The following GLI3 variants were observed in gnomAD, a reference collection of about 807,000 sequenced individuals.
The protein encoded by GLI3 is GLI family zinc finger 3.
In GLI3, 20 loss-of-function variants were observed where a neutral mutation model predicts 100.8. That is an observed-to-expected ratio of 0.20 (90% CI 0.14 to 0.29). The LOEUF is 0.29. Among genes scored for constraint, GLI3 ranks in the 10% least tolerant of loss-of-function variants. The pLI is 1.00. For synonymous variants in GLI3, 938 were observed against 860.5 expected, an observed-to-expected ratio of 1.09 and a Z score of -1.58; for missense variants, 2,040 against 2,128.5, an observed-to-expected ratio of 0.96 and a Z score of 0.82.
chr7:42,158,935 C>T (rs996212417), intron 2 of GLI3, among the ~76,000 whole-genome samples: 5 of 152,290 alleles, frequency 3.3e-5, no homozygotes, highest in Non-Finnish European at 5.9e-5. Flanking sequence ...GAAACTTCTT[C>T]GAATTTCTCA....
At chr7:41,986,558 G>A (rs987727521) in intron 10 of GLI3, among the ~76,000 whole-genome samples, 1 of 152,110 alleles carries the variant, frequency 6.6e-6, no homozygotes, top group Non-Finnish European at 1.5e-5. Context: ...AACTTTGACA[G>A]CATGCTAAAT....
intron 12 of GLI3, among the ~76,000 whole-genome samples, chr7:41,976,016 G>A (rs996060869): frequency 2.6e-5 from 4 of 152,094 alleles, no homozygotes; most frequent in Admixed American, 6.5e-5. Context: ...TCTAGACATT[G>A]TGTAATCATC....
intron 2 of GLI3, among the ~76,000 whole-genome samples, chr7:42,197,780 T>C (rs570953409): frequency 1.3e-5 from 2 of 152,204 alleles, no homozygotes; most frequent in African/African-American, 2.4e-5. Context: ...ACTGAAACAA[T>C]GGTCTGGGCG....
rs1787096780 is a variant in GLI3 at position 41,964,312 on chromosome 7, G to A, written c.*18C>T. 1.2e-6 allele frequency: 2 copies of A among 1,611,812 alleles called. No homozygotes were observed. Among genetic ancestry groups the A allele is most frequent in the Non-Finnish European group, 1.7e-6 (2 of 1,177,890 alleles). ...CTCCTATTGATTTCCGTTGGTTGCA[G>A]TCTTTTTTTCCTAAAGCCTATTGCA... On this transcript the variant is annotated 3_prime_UTR_variant, in exon 15 of 15. Coordinates refer to ENST00000395925, the MANE Select transcript of GLI3 (RefSeq NM_000168.6).
intron 2 of GLI3, among the ~76,000 whole-genome samples, chr7:42,214,665 A>T (rs2128699112): frequency 6.6e-6 from 1 of 150,660 alleles, no homozygotes; most frequent in Non-Finnish European, 1.5e-5. Context: ...GAAAAAAAAG[A>T]CAAAAAAAAA....
intron 2 of GLI3, among the ~76,000 whole-genome samples, chr7:42,166,065 A>G (rs370987297): frequency 6.6e-6 from 1 of 152,174 alleles, no homozygotes; most frequent in Non-Finnish European, 1.5e-5. Context: ...CATGAAGCCC[A>G]GGTGTCTGCA....
At chr7:42,227,852 A>G (rs1583662861) in intron 1 of GLI3, 1 of 152,386 alleles carries the variant, frequency 6.6e-6, no homozygotes, top group South Asian at 2.1e-4. Flanking sequence ...TGGAAACCCA[A>G]ACAGAAACTT....
chr7:42,066,383 T>A (rs941415911), intron 4 of GLI3, among the ~76,000 whole-genome samples: 1 of 151,954 alleles, frequency 6.6e-6, no homozygotes. Context: ...AACTCCCTCC[T>A]CCAACAAACA....
intron 3 of GLI3, among the ~76,000 whole-genome samples, chr7:42,089,905 G>C (rs1017321403): frequency 6.6e-6 from 1 of 152,138 alleles, no homozygotes. Context: ...TATGTCTTTA[G>C]ATGATTGTGT....
At chr7:41,997,157 T>C (rs1198039587) in intron 10 of GLI3, among the ~76,000 whole-genome samples, 2 of 152,194 alleles carry the variant, frequency 1.3e-5, no homozygotes, top group Non-Finnish European at 2.9e-5. Context: ...TTCCCCCAGA[T>C]GTTTCCATAC....
intron 2 of GLI3, among the ~76,000 whole-genome samples, chr7:42,182,683 C>CGTGTGTGTATATATATATATATAT (rs1562775920): frequency 1.6e-4 from 9 of 54,868 alleles, no homozygotes; most frequent in Non-Finnish European, 2.3e-4. Context: ...TATATATATA[C>CGTGTGTGTATATATATATATATAT]ACATGTGTGT....
chr7:42,226,384 T>C (rs1036912590), intron 1 of GLI3, among the ~76,000 whole-genome samples: 1 of 152,188 alleles, frequency 6.6e-6, no homozygotes, highest in Non-Finnish European at 1.5e-5. Flanking sequence ...TGTGGAGTTG[T>C]TGGTTTTTCC....
chr7:42,197,896 G>A (rs1787961197), intron 2 of GLI3, among the ~76,000 whole-genome samples: 1 of 152,208 alleles, frequency 6.6e-6, no homozygotes, highest in Non-Finnish European at 1.5e-5. Flanking sequence ...AAGGGAACCA[G>A]TCAAAGATGG....
At chr7:42,055,848 A>C (rs1022777970) in intron 4 of GLI3, among the ~76,000 whole-genome samples, 1 of 152,192 alleles carries the variant, frequency 6.6e-6, no homozygotes, top group Non-Finnish European at 1.5e-5. Context: ...CATTTCAATG[A>C]TCTCTTCATT....
At position 41,965,805 on chromosome 7, in the gene GLI3, C is replaced by A. The variant is rs1160154250; in HGVS notation, c.3268G>T (p.Asp1090Tyr). ...MDADANLNDE[D>Y]FLPDDVVQYL... is the part of the protein sequence containing the mutation. ...TGCACCACGTCGTCCGGCAGGAAAT[C>A]CTCATCGTTCAGGTTGGCATCAGCG... The change falls in exon 15 of 15, where the codon GAT (aspartate) becomes TAT (tyrosine). Residue 1090 changes from aspartate (D) to tyrosine (Y), a missense_variant. This residue lies in a region of GLI3 where 1,041 missense variants were observed against 924.0 expected (regional missense o/e 1.13). Transcript: ENST00000395925. 2 of 1,613,478 alleles carry A rather than the reference C, an allele frequency of 1.2e-6. No individual in the cohort carries two copies. Among genetic ancestry groups the A allele is most frequent in the Non-Finnish European group, 1.7e-6 (2 of 1,179,960 alleles).
chr7:41,979,079 G>C (rs1358206270), intron 10 of GLI3, among the ~76,000 whole-genome samples: 1 of 152,180 alleles, frequency 6.6e-6, no homozygotes, highest in Admixed American at 6.5e-5. Flanking sequence ...AATGAGGTGA[G>C]CCACTGTTGA....
chr7:41,988,194 G>A (rs1229344328), intron 10 of GLI3, among the ~76,000 whole-genome samples: 1 of 152,180 alleles, frequency 6.6e-6, no homozygotes, highest in Non-Finnish European at 1.5e-5. Flanking sequence ...AGGCACGGTG[G>A]CTCACGCCTG....
chr7:42,222,991 C>T, intron 2 of GLI3, 139 bp downstream of exon 2: 3 of 1,025,018 alleles, frequency 2.9e-6, no homozygotes, highest in Non-Finnish European at 3.0e-6. Context: ...CCGCCGTCCC[C>T]CCGCCCCTGC....
intron 7 of GLI3, among the ~76,000 whole-genome samples, chr7:42,030,353 C>G (rs1789251588): frequency 1.3e-5 from 2 of 152,202 alleles, no homozygotes; most frequent in South Asian, 4.1e-4. Flanking sequence ...GGAAGGTAAC[C>G]TATTCACAGG....
Sources: allele counts gnomAD v4.1 joint callset (sites outside exome capture counted in the v4.1 genomes callset), GRCh38; gene constraint gnomAD v4.1.1; regional missense constraint gnomAD v4.1.1; transcripts MANE v1.5; gene names NCBI Gene and HGNC (gene_info 2026-07-23, HGNC 2026-07-21).